SEMA3E: variants seen among roughly 807,000 people sequenced by gnomAD.
SEMA3E encodes semaphorin-3E.
Under a neutral mutation model 93.6 loss-of-function variants are expected in SEMA3E, and 49 were observed. The observed-to-expected ratio is 0.52, with a 90% CI of 0.42 to 0.66. The LOEUF (loss-of-function observed/expected upper bound fraction) is 0.66, where lower values mean the gene tolerates loss of function less well. Among genes scored for constraint, SEMA3E ranks in the 30% least tolerant of loss-of-function variants. SEMA3E has a pLI of 0.00. For missense variants in SEMA3E, 906 were observed against 964.8 expected, an observed-to-expected ratio of 0.94 and a Z score of 0.81; for synonymous variants, 363 against 330.7, an observed-to-expected ratio of 1.10 and a Z score of -1.06.
At chr7:83,398,477 A>G (rs1376479738) in intron 11 of SEMA3E, among the ~76,000 whole-genome samples, 1 of 152,230 alleles carries the variant, frequency 6.6e-6, no homozygotes, top group Non-Finnish European at 1.5e-5. Flanking sequence ...TTTATGGCCA[A>G]GTAATTTCAA....
chr7:83,609,165 A>T (rs545376945), intron 1 of SEMA3E, among the ~76,000 whole-genome samples: 12 of 152,186 alleles, frequency 7.9e-5, no homozygotes, highest in African/African-American at 2.9e-4. Flanking sequence ...ATAACCATGA[A>T]GTTCAAAAAA....
intron 2 of SEMA3E, among the ~76,000 whole-genome samples, chr7:83,485,890 C>G (rs1371941787): frequency 6.6e-6 from 1 of 151,862 alleles, no homozygotes; most frequent in South Asian, 2.1e-4. Flanking sequence ...TTATGTATAT[C>G]CTTTTCTGTA....
rs915475170 is a variant in SEMA3E at position 83,545,853 on chromosome 7, G to A, written c.116-55579C>T. Among the ~76,000 whole-genome samples the A allele has an allele frequency of 9.0e-5, 13 of 143,686 alleles. 1 individual carries two copies. Among genetic ancestry groups the A allele is most frequent in the South Asian group, 6.5e-4 (3 of 4,586 alleles). The allele number at this position is 143,686 out of a possible 152,430, so 94.3% of individuals were successfully genotyped here. A position where few individuals can be genotyped will look rare whatever the true frequency, so the allele number is the denominator to read the frequency against. ...TAATATATATCTCCAGTAGTATGAC[G>A]GATATCTATATAACATTATATATTA... is the stretch of plus-strand genomic sequence containing the variant. On this transcript the variant is annotated intron_variant, in intron 1 of 16. Transcript: ENST00000643230.
chr7:83,488,195 A>G (rs1400160925), intron 2 of SEMA3E, among the ~76,000 whole-genome samples: 1 of 152,072 alleles, frequency 6.6e-6, no homozygotes, highest in Non-Finnish European at 1.5e-5. Flanking sequence ...TAAAGGGGGA[A>G]CAATCTGACT....
intron 1 of SEMA3E, among the ~76,000 whole-genome samples, chr7:83,549,962 C>G (rs1426202670): frequency 6.6e-6 from 1 of 152,070 alleles, no homozygotes; most frequent in Non-Finnish European, 1.5e-5. Flanking sequence ...ACATTATTAA[C>G]ATTGGCATGT....
intron 1 of SEMA3E, among the ~76,000 whole-genome samples, chr7:83,605,247 C>T (rs1793086499): frequency 1.3e-5 from 2 of 152,090 alleles, no homozygotes; most frequent in African/African-American, 4.8e-5. Context: ...CATTCCCACC[C>T]ACAGTGTAAA....
chr7:83,398,011 C>T (rs1788158983), intron 11 of SEMA3E, among the ~76,000 whole-genome samples: 1 of 152,020 alleles, frequency 6.6e-6, no homozygotes, highest in Non-Finnish European at 1.5e-5. Context: ...TAATAAGGAC[C>T]ATATATGTAT....
chr7:83,553,465 A>G (rs1293895277), intron 1 of SEMA3E, among the ~76,000 whole-genome samples: 4 of 152,192 alleles, frequency 2.6e-5, no homozygotes, highest in Non-Finnish European at 5.9e-5. Context: ...ATATACACAT[A>G]CATTTGCACA....
intron 16 of SEMA3E, among the ~76,000 whole-genome samples, chr7:83,370,037 C>G (rs1794730058): frequency 6.6e-6 from 1 of 152,050 alleles, no homozygotes; most frequent in African/African-American, 2.4e-5. Flanking sequence ...CTTACTCTTT[C>G]TTGGTTTCTT....
At chr7:83,406,475 T>C (rs2115645307) in intron 7 of SEMA3E, among the ~76,000 whole-genome samples, 1 of 151,912 alleles carries the variant, frequency 6.6e-6, no homozygotes, top group African/African-American at 2.4e-5. Flanking sequence ...AAGTTTGAAA[T>C]ACACACACAA....
At chr7:83,391,637 C>T (rs1788020782) in intron 14 of SEMA3E, among the ~76,000 whole-genome samples, 1 of 151,750 alleles carries the variant, frequency 6.6e-6, no homozygotes, top group African/African-American at 2.4e-5. Context: ...TAATTTTGCT[C>T]AAGTAAAATT....
intron 12 of SEMA3E, 111 bp downstream of exon 12, chr7:83,396,527 A>G (rs780380325): frequency 1.5e-6 from 1 of 675,920 alleles, no homozygotes. Flanking sequence ...TTAGCTCTGA[A>G]TCCACAACAT....
At chr7:83,608,160 C>A (rs1639258) in intron 1 of SEMA3E, among the ~76,000 whole-genome samples, 3,426 of 151,940 alleles carry the variant, frequency 0.023, 129 homozygotes, top group African/African-American at 0.078. Flanking sequence ...TTACAGTAAG[C>A]CAAGATCATG....
At chr7:83,473,082 A>C (rs190392339) in intron 2 of SEMA3E, among the ~76,000 whole-genome samples, 57 of 152,344 alleles carry the variant, frequency 3.7e-4, no homozygotes, top group Middle Eastern at 3.4e-3. Context: ...ATGAAAACGG[A>C]CTAATACCAC....
intron 1 of SEMA3E, among the ~76,000 whole-genome samples, chr7:83,601,388 T>C (rs893024745): frequency 6.6e-6 from 1 of 151,838 alleles, no homozygotes; most frequent in Non-Finnish European, 1.5e-5. Flanking sequence ...TTAAATCACA[T>C]TTTGCCATTT....
At chr7:83,418,567 G>C (rs3801506) in intron 4 of SEMA3E, 84 bp from the exon 5 acceptor site, 1 of 920,632 alleles carries the variant, frequency 1.1e-6, no homozygotes, top group Admixed American at 2.0e-5. Context: ...ATGAAACTTC[G>C]ATTATTTATA....
intron 1 of SEMA3E, among the ~76,000 whole-genome samples, chr7:83,500,590 C>CTTTTTTTTTTTT (rs371350850): frequency 9.9e-6 from 1 of 100,644 alleles, no homozygotes; most frequent in Non-Finnish European, 1.9e-5. Flanking sequence ...AACTTTCTTC[C>CTTTTTTTTTTTT]TTTTTTTTTT....
chr7:83,515,824 T>G (rs1490948722), intron 1 of SEMA3E, among the ~76,000 whole-genome samples: 1 of 152,108 alleles, frequency 6.6e-6, no homozygotes, highest in Non-Finnish European at 1.5e-5. Context: ...GGTCAGGAGT[T>G]CGAGACCAGC....
intron 2 of SEMA3E, among the ~76,000 whole-genome samples, chr7:83,471,105 G>A (rs1168569055): frequency 1.3e-5 from 2 of 151,806 alleles, no homozygotes; most frequent in South Asian, 2.1e-4. Flanking sequence ...TCTGTACATA[G>A]TTTAGCAGGG....
Sources: gnomAD v4.1 joint callset for allele counts (sites outside exome capture counted in the v4.1 genomes callset) on GRCh38, gnomAD v4.1.1 for gene constraint, MANE v1.5 for transcripts, NCBI Gene and HGNC (gene_info 2026-07-23, HGNC 2026-07-21) for gene names.